SPATA16: variants seen among roughly 807,000 people sequenced by gnomAD.
SPATA16 encodes the protein spermatogenesis-associated protein 16.
In SPATA16, 36 loss-of-function variants were observed where a neutral mutation model predicts 63.3. That is an observed-to-expected ratio of 0.57 (90% CI 0.44 to 0.75). SPATA16 has a LOEUF of 0.75. Ranked by LOEUF, SPATA16 falls within the 30% of genes least tolerant of loss-of-function variation. The pLI, the probability that SPATA16 is intolerant of heterozygous loss-of-function variation, is 0.00. For synonymous variants in SPATA16, 203 were observed against 216.7 expected (o/e 0.94, Z 0.56); for missense variants, 646 against 679.3 (o/e 0.95, Z 0.54).
intron 3 of SPATA16, among the ~76,000 whole-genome samples, chr3:173,035,306 A>G (rs1277769451): frequency 6.6e-6 from 1 of 152,166 alleles, no homozygotes. Context: ...CAATGATAGG[A>G]CAATTTAAAA....
At chr3:172,917,461 C>T (rs1317063988) in intron 8 of SPATA16, among the ~76,000 whole-genome samples, 1 of 152,118 alleles carries the variant, frequency 6.6e-6, no homozygotes, top group East Asian at 1.9e-4. Flanking sequence ...GAGAAGTGAC[C>T]AAGTGCCCCT....
At chr3:173,119,167 G>A (rs757124246) in intron 1 of SPATA16, among the ~76,000 whole-genome samples, 144 of 152,168 alleles carry the variant, frequency 9.5e-4, no homozygotes, top group Non-Finnish European at 1.7e-3. Flanking sequence ...GGGGTGTGGG[G>A]AAAGGGGAGG....
chr3:172,993,868 T>G (rs185831818), intron 4 of SPATA16, among the ~76,000 whole-genome samples: 1 of 152,052 alleles, frequency 6.6e-6, no homozygotes, highest in South Asian at 2.1e-4. Flanking sequence ...CAGAAGACAG[T>G]TGGGGGGACT....
chr3:173,126,920 C>T lies in SPATA16; in HGVS notation c.-18-9171G>A, dbSNP rs532986004. On this transcript the variant is annotated intron_variant, in intron 1 of 10. Transcript: ENST00000351008. ...GTTCAGTGCTTTGTTTGCAGAGATCCGCAAAATTAATGGACAGTAATATGA... is the reference window on the plus strand; with the variant it reads ...GTTCAGTGCTTTGTTTGCAGAGATCTGCAAAATTAATGGACAGTAATATGA... Among the ~76,000 whole-genome samples, 8 of 152,196 alleles carry T rather than the reference C, an allele frequency of 5.3e-5. No homozygotes were observed. In the East Asian group the frequency reaches 7.7e-4, roughly 15 times the overall value.
chr3:172,892,605 G>A (rs1731914022), intron 10 of SPATA16, among the ~76,000 whole-genome samples: 1 of 152,108 alleles, frequency 6.6e-6, no homozygotes, highest in Non-Finnish European at 1.5e-5. Flanking sequence ...AGAAAAGCTG[G>A]TTCTTTATTT....
intron 10 of SPATA16, among the ~76,000 whole-genome samples, chr3:172,908,038 A>G (rs1028561181): frequency 2.0e-5 from 3 of 152,126 alleles, no homozygotes; most frequent in African/African-American, 7.2e-5. Flanking sequence ...TTCTTTAGGT[A>G]GTGTTTGCCT....
chr3:172,925,541 A>G, intron 6 of SPATA16, 49 bp from the exon 7 acceptor site: 1 of 1,612,532 alleles, frequency 6.2e-7, no homozygotes. Flanking sequence ...TGGTTTTAAT[A>G]TTTTTAGGGT....
chr3:173,048,989 G>A lies in SPATA16; in HGVS notation c.718C>T (p.Arg240Trp), dbSNP rs777422983. ...AGGGCAAGATCTGGTTTCCTCATCC[G>A]TAGATAACAGGTAACAAGCTTTGTC... The part of the protein sequence containing the change: ...IETKLVTCYL[R>W]MRKPDLALNH... The change falls in exon 3 of 11, where the codon CGG becomes TGG. Residue 240 changes from arginine to tryptophan, a missense_variant. Arg to Trp is a moderately radical substitution (Grantham distance 101). Transcript: ENST00000351008. 24 of 1,613,676 alleles carry A rather than the reference G, an allele frequency of 1.5e-5. No homozygotes were observed. The highest frequency in any genetic ancestry group is 1.6e-4 in the Middle Eastern group (1 of 6,084).
At chr3:173,019,669 A>T in intron 3 of SPATA16, 94 bp from the exon 4 acceptor site, 1 of 1,151,472 alleles carries the variant, frequency 8.7e-7, no homozygotes. Flanking sequence ...ATTCAATTTT[A>T]TATACTATGT....
chr3:173,084,448 T>C (rs1247214077), intron 2 of SPATA16, among the ~76,000 whole-genome samples: 2 of 152,150 alleles, frequency 1.3e-5, no homozygotes. Context: ...ATGGCAAAAA[T>C]TTTCTCCCAT....
chr3:172,937,416 T>C (rs915682174), intron 6 of SPATA16, among the ~76,000 whole-genome samples: 1 of 152,132 alleles, frequency 6.6e-6, no homozygotes. Flanking sequence ...TACAAACTAA[T>C]AGAAAAAAAT....
intron 8 of SPATA16, among the ~76,000 whole-genome samples, chr3:172,923,681 A>G (rs1577090836): frequency 6.6e-6 from 1 of 152,164 alleles, no homozygotes; most frequent in Non-Finnish European, 1.5e-5. Context: ...TGAAAAGTAG[A>G]AAAGGCATAT....
intron 4 of SPATA16, among the ~76,000 whole-genome samples, chr3:172,994,788 A>G (rs1204755113): frequency 1.3e-5 from 2 of 152,140 alleles, no homozygotes; most frequent in Non-Finnish European, 2.9e-5. Flanking sequence ...ACATTAGTAA[A>G]TATTCATTTG....
intron 2 of SPATA16, among the ~76,000 whole-genome samples, chr3:173,116,326 T>A (rs1737898463): frequency 6.6e-6 from 1 of 152,232 alleles, no homozygotes; most frequent in Non-Finnish European, 1.5e-5. Flanking sequence ...TGCATTGAAA[T>A]GTTTTTTGTA....
At position 172,895,917 on chromosome 3, in the gene SPATA16, G is replaced by A. The variant is rs139638619; in HGVS notation, c.1588-6225C>T. On this transcript the variant is annotated intron_variant, in intron 10 of 10. Coordinates refer to ENST00000351008, the MANE Select transcript of SPATA16 (RefSeq NM_031955.6). ...TTTGTATACAGGTCTTTGTTTGAAC[G>A]TAAGTCTTTATTTTTCTGGGATAAA... 3.5e-3 allele frequency among the ~76,000 whole-genome samples: 537 copies of A among 152,166 alleles called. 4 individuals are homozygous for A. The highest frequency in any genetic ancestry group is 0.011 in the African/African-American group (467 of 41,508).
intron 5 of SPATA16, among the ~76,000 whole-genome samples, chr3:172,957,788 C>G (rs745339615): frequency 6.6e-6 from 1 of 152,096 alleles, no homozygotes; most frequent in Non-Finnish European, 1.5e-5. Context: ...CATTATTACC[C>G]TCACAGTATT....
intron 2 of SPATA16, among the ~76,000 whole-genome samples, chr3:173,074,135 CT>C: frequency 6.6e-6 from 1 of 152,330 alleles, no homozygotes. Flanking sequence ...TGGGAAGTAA[CT>C]AACTTGCTTT....
intron 4 of SPATA16, among the ~76,000 whole-genome samples, chr3:172,984,764 C>T (rs530497380): frequency 2.0e-5 from 3 of 152,238 alleles, no homozygotes; most frequent in East Asian, 1.9e-4. Context: ...TTACTGCCTT[C>T]CTGCTAGTCT....
At chr3:172,956,543 T>C in intron 6 of SPATA16, 134 bp downstream of exon 6, 1 of 918,768 alleles carries the variant, frequency 1.1e-6, no homozygotes, top group Non-Finnish European at 1.6e-6. Flanking sequence ...AAAATTTCTT[T>C]CCGTTTCAAG....
Sources: gnomAD v4.1 joint callset for allele counts (sites outside exome capture counted in the v4.1 genomes callset) on GRCh38, gnomAD v4.1.1 for gene constraint, MANE v1.5 for transcripts, NCBI Gene and HGNC (gene_info 2026-07-23, HGNC 2026-07-21) for gene names.